RIMS2: variants seen among roughly 807,000 people sequenced by gnomAD.
The protein encoded by RIMS2 is regulating synaptic membrane exocytosis protein 2.
In RIMS2, 59 loss-of-function variants were observed where a neutral mutation model predicts 174.4. That is an observed-to-expected ratio of 0.34 (90% CI 0.27 to 0.42). The LOEUF (loss-of-function observed/expected upper bound fraction) is 0.42. RIMS2 is among the 10% of genes least tolerant of loss of function. The probability of loss-of-function intolerance (pLI) is 1.00; values close to 1 mark genes in which losing one functional copy is unlikely to be tolerated. For missense variants in RIMS2, 1,620 were observed against 1,666.3 expected, an observed-to-expected ratio of 0.97 and a Z score of 0.48; for synonymous variants, 606 against 572.5, an observed-to-expected ratio of 1.06 and a Z score of -0.84.
intron 1 of RIMS2, among the ~76,000 whole-genome samples, chr8:103,662,032 GGAA>G: frequency 6.6e-6 from 1 of 152,172 alleles, no homozygotes; most frequent in Admixed American, 6.5e-5. Context: ...GGGCTACATT[GGAA>G]GAAGAATTAA....
chr8:104,081,789 T>C (rs2097425147), intron 19 of RIMS2, among the ~76,000 whole-genome samples: 1 of 152,106 alleles, frequency 6.6e-6, no homozygotes, highest in Non-Finnish European at 1.5e-5. Flanking sequence ...CTCTGAGGTA[T>C]CTTTTAGCTT....
intron 3 of RIMS2, among the ~76,000 whole-genome samples, chr8:103,802,665 T>C (rs975145957): frequency 5.3e-5 from 8 of 152,182 alleles, no homozygotes; most frequent in Admixed American, 3.9e-4. Context: ...CCTCACTGGA[T>C]ATTTTTCCCT....
At chr8:103,581,125 G>T (rs1243960781) in intron 1 of RIMS2, among the ~76,000 whole-genome samples, 5 of 151,986 alleles carry the variant, frequency 3.3e-5, no homozygotes, top group Non-Finnish European at 7.4e-5. Flanking sequence ...GCCGAGAAGG[G>T]AATACTTTCA....
At chr8:104,091,038 C>T (rs573138536) in intron 19 of RIMS2, among the ~76,000 whole-genome samples, 5 of 151,748 alleles carry the variant, frequency 3.3e-5, no homozygotes, top group Non-Finnish European at 5.9e-5. Flanking sequence ...GCTTTACACG[C>T]GTTATCTTGC....
chr8:103,599,844 A>T (rs2094636565), intron 1 of RIMS2, among the ~76,000 whole-genome samples: 1 of 152,188 alleles, frequency 6.6e-6, no homozygotes, highest in Non-Finnish European at 1.5e-5. Context: ...TAATCACATC[A>T]TGGAAAATAG....
intron 2 of RIMS2, among the ~76,000 whole-genome samples, chr8:103,746,021 C>T (rs1178811522): frequency 6.6e-6 from 1 of 152,014 alleles, no homozygotes; most frequent in Non-Finnish European, 1.5e-5. Context: ...GAAACAGTTG[C>T]CTAAACCAAG....
At chr8:103,959,007 C>G (rs1263118609) in intron 14 of RIMS2, among the ~76,000 whole-genome samples, 1 of 152,188 alleles carries the variant, frequency 6.6e-6, no homozygotes, top group Admixed American at 6.5e-5. Context: ...TGCAGACAAA[C>G]TGGAACCTGT....
intron 19 of RIMS2, among the ~76,000 whole-genome samples, chr8:104,208,579 A>G (rs1370893949): frequency 7.4e-5 from 2 of 26,952 alleles, no homozygotes; most frequent in Non-Finnish European, 1.7e-4. Context: ...AAAAAAAAGA[A>G]AAAAAAAAAT....
rs182218903 is a variant in RIMS2 at position 104,214,891 on chromosome 8, C to T, written c.3335-30025C>T. Among the ~76,000 whole-genome samples the T allele has an allele frequency of 3.4e-3, 520 of 152,328 alleles. 9 individuals are homozygous for T. Among genetic ancestry groups the T allele is most frequent in the Admixed American group, 0.012 (185 of 15,304 alleles). On this transcript the variant is annotated intron_variant, in intron 19 of 23. Transcript: ENST00000504942. ...AGAACTACGTTCAAGCAACAGTCCACTTATACCCAATCTAGGTGATGTTTG... is the reference window on the plus strand; with the variant it reads ...AGAACTACGTTCAAGCAACAGTCCATTTATACCCAATCTAGGTGATGTTTG...
chr8:104,207,379 A>G (rs1255505374), intron 19 of RIMS2, among the ~76,000 whole-genome samples: 2 of 152,196 alleles, frequency 1.3e-5, no homozygotes, highest in Admixed American at 6.5e-5. Flanking sequence ...GACTTTGTAG[A>G]TGGAGTAGAA....
At chr8:103,723,843 G>A (rs1582771) in intron 2 of RIMS2, among the ~76,000 whole-genome samples, 54,699 of 151,992 alleles carry the variant, frequency 0.36, 10,521 homozygotes, top group East Asian at 0.77. Flanking sequence ...CAGGAACCTT[G>A]GTGTGTAGGG....
chr8:103,784,974 A>G (rs2098427066), intron 3 of RIMS2, among the ~76,000 whole-genome samples: 1 of 141,428 alleles, frequency 7.1e-6, no homozygotes, highest in Admixed American at 7.1e-5. Context: ...CTCCTTGAAG[A>G]GGTTCTTCAC....
intron 19 of RIMS2, among the ~76,000 whole-genome samples, chr8:104,111,318 G>T (rs1291522772): frequency 1.3e-5 from 2 of 152,174 alleles, no homozygotes. Flanking sequence ...TAAAAATTCA[G>T]TCTGTCTGTT....
At chr8:103,927,228 A>G (rs1259483300) in intron 10 of RIMS2, among the ~76,000 whole-genome samples, 2 of 151,572 alleles carry the variant, frequency 1.3e-5, no homozygotes, top group African/African-American at 2.4e-5. Flanking sequence ...TGGTGTTTCA[A>G]TACTAGAACC....
chr8:103,813,596 C>CA, intron 3 of RIMS2, among the ~76,000 whole-genome samples: 1 of 152,112 alleles, frequency 6.6e-6, no homozygotes, highest in Non-Finnish European at 1.5e-5. Flanking sequence ...GTTCCCCCAC[C>CA]CTGTGTCCAA....
intron 19 of RIMS2, among the ~76,000 whole-genome samples, chr8:104,214,029 T>A (rs1449412288): frequency 6.6e-6 from 1 of 152,204 alleles, no homozygotes; most frequent in Non-Finnish European, 1.5e-5. Flanking sequence ...TTTCATAGTT[T>A]GTTGTCAAGT....
chr8:103,995,988 A>G (rs2095069594), intron 17 of RIMS2, among the ~76,000 whole-genome samples: 1 of 152,012 alleles, frequency 6.6e-6, no homozygotes, highest in Admixed American at 6.6e-5. Context: ...TGGTTTATTA[A>G]ATAAATATTT....
At chr8:103,639,567 A>T (rs1353965238) in intron 1 of RIMS2, among the ~76,000 whole-genome samples, 1 of 152,006 alleles carries the variant, frequency 6.6e-6, no homozygotes, top group Non-Finnish European at 1.5e-5. Flanking sequence ...TTAGTTCTCA[A>T]TTCTTCCTCT....
chr8:103,814,492 GT>G (rs1010941184), intron 3 of RIMS2, among the ~76,000 whole-genome samples: 80 of 152,016 alleles, frequency 5.3e-4, no homozygotes, highest in African/African-American at 1.9e-3. Context: ...AAAGAAGTTA[GT>G]GCTGAGTTTT....
Sources: allele counts gnomAD v4.1 joint callset (sites outside exome capture counted in the v4.1 genomes callset), GRCh38; gene constraint gnomAD v4.1.1; transcripts MANE v1.5; gene names NCBI Gene and HGNC (gene_info 2026-07-23, HGNC 2026-07-21).